MYBPC1: variants seen among roughly 807,000 people sequenced by gnomAD.
The protein encoded by MYBPC1 is myosin-binding protein C, slow-type.
A neutral mutation model predicts 147.1 loss-of-function variants in MYBPC1; 52 were observed. The observed-to-expected ratio is 0.35, with a 90% CI of 0.28 to 0.45. The LOEUF (loss-of-function observed/expected upper bound fraction) is 0.45. MYBPC1 is among the 20% of genes least tolerant of loss of function. The probability of loss-of-function intolerance (pLI) is 1.00; values close to 1 mark genes in which losing one functional copy is unlikely to be tolerated. For synonymous variants in MYBPC1, 477 were observed against 475.9 expected (o/e 1.00, Z -0.03); for missense variants, 1,228 against 1,440.3 (o/e 0.85, Z 2.39).
intron 21 of MYBPC1, among the ~76,000 whole-genome samples, chr12:101,662,868 G>T (rs1237397288): frequency 1.3e-5 from 2 of 152,094 alleles, no homozygotes; most frequent in African/African-American, 2.4e-5. Context: ...CCTTCTGAAG[G>T]TATTAACCTG....
intron 1 of MYBPC1, among the ~76,000 whole-genome samples, chr12:101,601,177 T>C (rs558669716): frequency 6.4e-4 from 97 of 152,370 alleles, no homozygotes; most frequent in Middle Eastern, 6.8e-3. Flanking sequence ...ACTTTGTCAC[T>C]TAATTTTCTA....
intron 15 of MYBPC1, among the ~76,000 whole-genome samples, chr12:101,649,871 G>C (rs977112661): frequency 1.3e-5 from 2 of 152,210 alleles, no homozygotes; most frequent in East Asian, 3.9e-4. Flanking sequence ...AGAGGCATGA[G>C]AGAATTAATG....
chr12:101,620,234 C>A (rs1437397909), intron 3 of MYBPC1, among the ~76,000 whole-genome samples: 2 of 152,188 alleles, frequency 1.3e-5, no homozygotes, highest in Non-Finnish European at 2.9e-5. Context: ...AGGAATCATA[C>A]CAGGAGGCAA....
At chr12:101,626,767 G>A (rs1297903504) in intron 3 of MYBPC1, 105 bp from the exon 4 acceptor site, 27 of 971,044 alleles carry the variant, frequency 2.8e-5, no homozygotes, top group Non-Finnish European at 4.5e-5. Context: ...GCAGTTGAAA[G>A]TGTATTGTGT....
chr12:101,614,545 C>T lies in MYBPC1; in HGVS notation c.61+14C>T, dbSNP rs760867113. ...CACCCCCGGAAGGTGAGTAAAAACA[C>T]TCACTCACACACGTTTGGGCTGCAA... On this transcript the variant is annotated intron_variant, in intron 2 of 31. Coordinates refer to ENST00000361466, the MANE Select transcript of MYBPC1 (RefSeq NM_002465.4). 4.3e-6 allele frequency: 7 copies of T among 1,613,094 alleles called. No individual in the cohort carries two copies. In the South Asian group the frequency reaches 6.6e-5, roughly 15 times the overall value.
At chr12:101,624,911 G>T (rs1367306432) in intron 3 of MYBPC1, among the ~76,000 whole-genome samples, 2 of 152,106 alleles carry the variant, frequency 1.3e-5, no homozygotes, top group Non-Finnish European at 1.5e-5. Context: ...CTGTTGCTTA[G>T]GAGTAACAAG....
At chr12:101,636,642 C>G (rs145323501) in intron 9 of MYBPC1, 30 bp from the exon 10 acceptor site, 7 of 1,607,210 alleles carry the variant, frequency 4.4e-6, no homozygotes, top group Middle Eastern at 1.7e-4. Context: ...TGCATTAAAC[C>G]CAGATTTGCT....
chr12:101,629,908 T>C (rs1173784679), intron 6 of MYBPC1, among the ~76,000 whole-genome samples: 1 of 152,148 alleles, frequency 6.6e-6, no homozygotes, highest in Non-Finnish European at 1.5e-5. Context: ...AATTCACTTA[T>C]AACATTAACC....
intron 1 of MYBPC1, among the ~76,000 whole-genome samples, chr12:101,599,088 G>A (rs1035697495): frequency 1.6e-4 from 24 of 152,198 alleles, no homozygotes; most frequent in Non-Finnish European, 2.1e-4. Flanking sequence ...GTTTTCTCAT[G>A]TTCCGTGTAA....
intron 1 of MYBPC1, among the ~76,000 whole-genome samples, chr12:101,605,234 G>A (rs910830130): frequency 2.0e-5 from 3 of 152,122 alleles, no homozygotes; most frequent in Middle Eastern, 6.3e-3. Context: ...CTATTATGGT[G>A]CACTTAGGAA....
chr12:101,636,881 G>C lies in MYBPC1; in HGVS notation c.665+153G>C. ...AGAATATAACAGAGTTGACTAGAAAGAGAGAAACAACTGCATACTAATCTT... is the reference window on the plus strand; with the variant it reads ...AGAATATAACAGAGTTGACTAGAAACAGAGAAACAACTGCATACTAATCTT... On this transcript the variant is annotated intron_variant, in intron 10 of 31. Coordinates refer to ENST00000361466, the MANE Select transcript of MYBPC1 (RefSeq NM_002465.4). The C allele has an allele frequency of 4.5e-6, 3 of 665,996 alleles. No homozygotes were observed. In the Admixed American group the frequency reaches 7.4e-5, roughly 16 times the overall value. The allele number at this position is 665,996 out of a possible 1,614,324, so 41.3% of individuals were successfully genotyped here.
intron 3 of MYBPC1, among the ~76,000 whole-genome samples, chr12:101,623,848 A>T (rs914907064): frequency 1.3e-5 from 2 of 152,204 alleles, no homozygotes; most frequent in Non-Finnish European, 2.9e-5. Context: ...AACATGTAAA[A>T]TTTTAATTAT....
chr12:101,666,048 G>A (rs1897346067), intron 22 of MYBPC1, among the ~76,000 whole-genome samples: 1 of 151,488 alleles, frequency 6.6e-6, no homozygotes, highest in Non-Finnish European at 1.5e-5. Context: ...CTGATACTGA[G>A]AAAGTCATCA....
rs763770701 is a variant in MYBPC1 at position 101,677,222 on chromosome 12, T to G, written c.2950-13T>G. The stretch of plus-strand genomic sequence containing the variant: ...GGTGATTTTCCTCCAGTTATTATTT[T>G]TTTTTCTTTTAGGAATGGTTTACTG... On this transcript the variant is annotated splice_polypyrimidine_tract_variant and intron_variant, in intron 26 of 31. Coordinates refer to ENST00000361466, the MANE Select transcript of MYBPC1 (RefSeq NM_002465.4). 2.5e-6 allele frequency: 4 copies of G among 1,611,006 alleles called. No homozygotes were observed. The Admixed American group carries it at 6.7e-5, about 27-fold the overall frequency.
chr12:101,636,979 A>T, intron 10 of MYBPC1: 1 of 211,440 alleles, frequency 4.7e-6, no homozygotes, highest in Non-Finnish European at 8.1e-6. Context: ...TTTTTTTTAA[A>T]TGGGGACGAA....
At chr12:101,684,337 A>C in intron 30 of MYBPC1, 45 bp from the exon 31 acceptor site, 1 of 1,484,724 alleles carries the variant, frequency 6.7e-7, no homozygotes, top group Non-Finnish European at 9.3e-7. Context: ...GCACTTTATT[A>C]ATGCTTACGA....
intron 6 of MYBPC1, among the ~76,000 whole-genome samples, chr12:101,630,735 GA>G (rs1268335829): frequency 6.6e-6 from 1 of 152,106 alleles, no homozygotes; most frequent in Non-Finnish European, 1.5e-5. Flanking sequence ...GAGGAGCAGA[GA>G]AAAAAATAAA....
In MYBPC1 at chr12:101,661,173, C is replaced by T; in HGVS notation, c.1943C>T (p.Pro648Leu). Residue 648 changes from proline (P) to leucine (L), a missense_variant, in exon 20 of 32, where the codon CCA becomes CTA. Around this residue, in one of 2 missense-constraint regions of MYBPC1, gnomAD observed 1,077 missense variants for 1,314.2 expected, o/e 0.82. Transcript: ENST00000361466. ...TCTGCCACAGACTTCCCTGATCCTC[C>T]AGTGGCACCGACTGTGACAGAGGTG... ...KVKVVDFPDP[P>L]VAPTVTEVGD... 2 of 1,613,472 alleles carry T rather than the reference C, an allele frequency of 1.2e-6. No individual in the cohort carries two copies. The highest frequency in any genetic ancestry group is 1.3e-5 in the African/African-American group (1 of 75,008).
chr12:101,615,049 G>A (rs1885527306), intron 2 of MYBPC1: 1 of 186,462 alleles, frequency 5.4e-6, no homozygotes, highest in African/African-American at 2.4e-5. Flanking sequence ...TTCAACGTGA[G>A]GACCAACTTC....
Sources: gnomAD v4.1 joint callset for allele counts (sites outside exome capture counted in the v4.1 genomes callset) on GRCh38, gnomAD v4.1.1 for gene constraint, gnomAD v4.1.1 regional missense constraint, MANE v1.5 for transcripts, NCBI Gene and HGNC (gene_info 2026-07-23, HGNC 2026-07-21) for gene names.